The following BPNT1 variants were observed in gnomAD, a reference collection of about 807,000 sequenced individuals.
BPNT1 encodes the protein 3'(2'), 5'-bisphosphate nucleotidase 1.
BPNT1 carries 28 observed loss-of-function variants against 36.9 expected under a neutral mutation model. The observed-to-expected ratio is 0.76, with a 90% CI of 0.56 to 1.04. BPNT1 has a LOEUF of 1.04. BPNT1 is among the 50% of genes least tolerant of loss of function. BPNT1 has a pLI of 0.00. For synonymous variants in BPNT1, 119 were observed against 130.9 expected, an observed-to-expected ratio of 0.91 and a Z score of 0.62; for missense variants, 313 against 372.9, an observed-to-expected ratio of 0.84 and a Z score of 1.32.
intron 1 of BPNT1, among the ~76,000 whole-genome samples, chr1:220,082,134 T>A (rs1008755610): frequency 6.9e-6 from 1 of 144,826 alleles, no homozygotes; most frequent in African/African-American, 2.5e-5. Context: ...TATATATATA[T>A]AAAATATATA....
chr1:220,080,580 A>G (rs1421354233), intron 1 of BPNT1, among the ~76,000 whole-genome samples: 1 of 152,214 alleles, frequency 6.6e-6, no homozygotes, highest in African/African-American at 2.4e-5. Flanking sequence ...CAGGAAGAAG[A>G]GCCAAGCGAA....
chr1:220,071,037 T>G (rs1339470204), intron 4 of BPNT1, among the ~76,000 whole-genome samples: 1 of 151,476 alleles, frequency 6.6e-6, no homozygotes, highest in African/African-American at 2.4e-5. Flanking sequence ...CTCAGGAGGC[T>G]GAGGCAGGAG....
chr1:220,074,012 A>C lies in BPNT1; in HGVS notation c.180T>G (p.Ser60=). 1.9e-6 allele frequency: 3 copies of C among 1,614,162 alleles called. No homozygotes were observed. Among genetic ancestry groups the C allele is most frequent in the Non-Finnish European group, 2.5e-6 (3 of 1,180,024 alleles). The change falls in exon 3 of 9, where the codon TCT becomes TCG. Residue 60 remains serine, a synonymous_variant. Coordinates refer to ENST00000322067, the MANE Select transcript of BPNT1 (RefSeq NM_006085.6). ...ADRLAQMSIC[S]SLARKFPKLT... is the part of the protein sequence containing the mutation. The stretch of plus-strand genomic sequence containing the variant: ...GTTTGGGGAATTTCCGGGCCAATGA[A>C]GAACATATGCTCATCTGTGCCAATC...
At chr1:220,062,028 ACT>A (rs141812725) in intron 7 of BPNT1, among the ~76,000 whole-genome samples, 5,762 of 150,898 alleles carry the variant, frequency 0.038, 144 homozygotes, top group East Asian at 0.11. Flanking sequence ...TTAACATTGA[ACT>A]CTCTCAGATA....
chr1:220,073,497 T>C lies in BPNT1; in HGVS notation c.225+470A>G, dbSNP rs926987438. On this transcript the variant is annotated intron_variant, in intron 3 of 8. Coordinates refer to ENST00000322067, the MANE Select transcript of BPNT1 (RefSeq NM_006085.6). ...AGAGACAGGGTTCAGTTTCACCATG[T>C]TGGTCAGGCTGGTCTTGAACTCCTG... Among the ~76,000 whole-genome samples, 12 of 152,130 alleles carry C rather than the reference T, an allele frequency of 7.9e-5. No homozygotes were observed. The South Asian group carries it at 1.2e-3, about 16-fold the overall frequency.
At chr1:220,064,818 A>AT (rs1221794659) in intron 6 of BPNT1, among the ~76,000 whole-genome samples, 1 of 151,836 alleles carries the variant, frequency 6.6e-6, no homozygotes, top group Non-Finnish European at 1.5e-5. Context: ...TTTTATTTTT[A>AT]TTTTTTTGAG....
intron 1 of BPNT1, among the ~76,000 whole-genome samples, chr1:220,086,598 CAG>C (rs1655749744): frequency 6.6e-6 from 1 of 150,752 alleles, no homozygotes; most frequent in Admixed American, 6.6e-5. Flanking sequence ...TTTTCTGAGA[CAG>C]AGTCTCACTC....
chr1:220,082,085 T>TATAGAGAGAGAGAGAGAG (rs1171093697), intron 1 of BPNT1, among the ~76,000 whole-genome samples: 1 of 103,296 alleles, frequency 9.7e-6, no homozygotes, highest in African/African-American at 3.8e-5. Context: ...TATATATATA[T>TATAGAGAGAGAGAGAGAG]AGAGAGAGAG....
chr1:220,073,887 G>A, intron 3 of BPNT1, 80 bp downstream of exon 3: 2 of 1,126,960 alleles, frequency 1.8e-6, no homozygotes, highest in South Asian at 1.3e-5. Context: ...CATAATAGTG[G>A]TATATAAATC....
chr1:220,067,168 T>A (rs922967498), intron 6 of BPNT1, 134 bp downstream of exon 6: 3 of 284,632 alleles, frequency 1.1e-5, no homozygotes, highest in East Asian at 1.3e-4. Flanking sequence ...AAATAAAATT[T>A]AAAAAATGAA....
At chr1:220,059,552 C>T (rs1013500374) in intron 8 of BPNT1, 134 bp downstream of exon 8, 6 of 620,482 alleles carry the variant, frequency 9.7e-6, no homozygotes, top group African/African-American at 1.9e-5. Flanking sequence ...GGGGTTTGGA[C>T]TGGATAATCT....
chr1:220,075,729 G>A (rs1326219638), intron 2 of BPNT1, among the ~76,000 whole-genome samples: 1 of 152,100 alleles, frequency 6.6e-6, no homozygotes, highest in African/African-American at 2.4e-5. Flanking sequence ...CATCATCATT[G>A]GAACCTTGTG....
intron 6 of BPNT1, among the ~76,000 whole-genome samples, chr1:220,066,596 C>T (rs1169066711): frequency 6.6e-6 from 1 of 152,166 alleles, no homozygotes; most frequent in Non-Finnish European, 1.5e-5. Context: ...ACCTTAACTA[C>T]TTTATCTCAA....
At chr1:220,075,216 G>T (rs1318782494) in intron 2 of BPNT1, among the ~76,000 whole-genome samples, 2 of 152,006 alleles carry the variant, frequency 1.3e-5, no homozygotes, top group East Asian at 3.9e-4. Context: ...GCTAATTTTT[G>T]TATTTTTAGT....
intron 1 of BPNT1, among the ~76,000 whole-genome samples, chr1:220,084,338 A>AAAAAAG (rs1220878426): frequency 3.9e-5 from 6 of 152,038 alleles, no homozygotes; most frequent in African/African-American, 1.4e-4. Flanking sequence ...GTCTCAAAAA[A>AAAAAAG]AAAAAGAAAA....
chr1:220,063,067 A>T, intron 6 of BPNT1, 113 bp from the exon 7 acceptor site: 1 of 1,214,456 alleles, frequency 8.2e-7, no homozygotes. Context: ...AAAACATGAT[A>T]GCCGGGCGCG....
chr1:220,083,758 T>C (rs2102767565), intron 1 of BPNT1, among the ~76,000 whole-genome samples: 1 of 152,232 alleles, frequency 6.6e-6, no homozygotes, highest in South Asian at 2.1e-4. Context: ...TTAAAATATA[T>C]TTTTATTTTA....
At chr1:220,080,502 G>C (rs1053249416) in intron 1 of BPNT1, among the ~76,000 whole-genome samples, 3 of 152,156 alleles carry the variant, frequency 2.0e-5, no homozygotes, top group African/African-American at 7.2e-5. Flanking sequence ...GGGTGGGGAG[G>C]CCTAAGGAAA....
intron 1 of BPNT1, among the ~76,000 whole-genome samples, chr1:220,083,533 C>A (rs1571810076): frequency 6.6e-6 from 1 of 151,690 alleles, no homozygotes; most frequent in East Asian, 2.0e-4. Flanking sequence ...CCAGGATGGT[C>A]TCGATCTAAC....
Sources: allele counts gnomAD v4.1 joint callset (sites outside exome capture counted in the v4.1 genomes callset), GRCh38; gene constraint gnomAD v4.1.1; transcripts MANE v1.5; gene names NCBI Gene and HGNC (gene_info 2026-07-23, HGNC 2026-07-21).